The following NMT2 variants were observed in gnomAD, a reference collection of about 807,000 sequenced individuals.
NMT2 encodes glycylpeptide N-tetradecanoyltransferase 2.
Under a neutral mutation model 65.4 loss-of-function variants are expected in NMT2, and 35 were observed. That is an observed-to-expected ratio of 0.54 (90% CI 0.41 to 0.71). The LOEUF (loss-of-function observed/expected upper bound fraction) is 0.71, where lower values mean the gene tolerates loss of function less well. Ranked by LOEUF, NMT2 falls within the 30% of genes least tolerant of loss-of-function variation. The pLI is 0.00. For synonymous variants in NMT2, 226 were observed against 231.8 expected (o/e 0.98, Z 0.23); for missense variants, 489 against 611.3 (o/e 0.80, Z 2.11).
rs1845359832 is a variant in NMT2 at position 15,107,865 on chromosome 10, A to G, written c.*1330T>C. 2 of 985,668 alleles carry G rather than the reference A, an allele frequency of 2.0e-6. No individual in the cohort carries two copies. The highest frequency in any genetic ancestry group is 9.4e-5 in the South Asian group (2 of 21,286). 61.1% of individuals were successfully genotyped at this position (985,668 alleles called of 1,614,324 possible). Reference sequence around the variant, plus strand: ...TATAAACACACATCTGTAAGCCATGAAAGTTTTTCAAATTCTAGATTAAAA... The same window carrying G: ...TATAAACACACATCTGTAAGCCATGGAAGTTTTTCAAATTCTAGATTAAAA... On this transcript the variant is annotated 3_prime_UTR_variant, in exon 12 of 12. Transcript: ENST00000378165.
chr10:15,126,403 T>C (rs1385885976), intron 8 of NMT2, among the ~76,000 whole-genome samples: 1 of 146,538 alleles, frequency 6.8e-6, no homozygotes, highest in East Asian at 2.0e-4. Context: ...CACTCCAGCC[T>C]GGACAACAGA....
chr10:15,154,938 G>A, intron 1 of NMT2: 1 of 1,046,922 alleles, frequency 9.6e-7, no homozygotes, highest in Non-Finnish European at 1.5e-6. Context: ...CAACCACTCG[G>A]TCTTGGCAGT....
chr10:15,151,919 G>C lies in NMT2; in HGVS notation c.111-10362C>G, dbSNP rs556679108. 2.3e-3 allele frequency among the ~76,000 whole-genome samples: 350 copies of C among 152,282 alleles called. 1 individual carries two copies. Among genetic ancestry groups the C allele is most frequent in the Non-Finnish European group, 4.0e-3 (271 of 68,020 alleles). On this transcript the variant is annotated intron_variant, in intron 1 of 11. Transcript: ENST00000378165. ...CACGCGCCTGTAATCCCAGCTACTC[G>C]GGAGGCTGAGGCAGGAGAACTACTT...
At chr10:15,127,546 CAA>C (rs1239422956) in intron 8 of NMT2, among the ~76,000 whole-genome samples, 27 of 51,388 alleles carry the variant, frequency 5.3e-4, no homozygotes, top group African/African-American at 1.0e-3. Flanking sequence ...GACTCCGTCT[CAA>C]AAAAAAAAAA....
At chr10:15,113,463 C>CA (rs1169255963) in intron 9 of NMT2, among the ~76,000 whole-genome samples, 6,280 of 36,840 alleles carry the variant, frequency 0.17, 955 homozygotes, top group Non-Finnish European at 0.2. Context: ...GGATGAGACT[C>CA]AAAAAAAAAA....
intron 10 of NMT2, among the ~76,000 whole-genome samples, chr10:15,112,201 T>C (rs1564557337): frequency 1.2e-4 from 2 of 16,936 alleles, no homozygotes; most frequent in East Asian, 1.5e-3. Context: ...TATATATATA[T>C]ATATATATAT....
In NMT2 at chr10:15,133,358, C is replaced by T; in HGVS notation, c.397G>A (p.Val133Ile). The T allele has an allele frequency of 6.2e-7, 1 of 1,604,296 alleles. No homozygotes were observed. The highest frequency in any genetic ancestry group is 8.5e-7 in the Non-Finnish European group (1 of 1,171,062). The change falls in exon 4 of 12, where the codon GTC becomes ATC. Residue 133 changes from valine to isoleucine, a missense_variant. Transcript: ENST00000378165. Reference sequence around the variant, plus strand: ...TCAATTGCACCATGAGATGTTATGACTTCATCTGAACAGGGAGAGAAAGAG... The same window carrying T: ...TCAATTGCACCATGAGATGTTATGATTTCATCTGAACAGGGAGAGAAAGAG... ...DTQPVPKLDE[V>I]ITSHGAIEPD...
chr10:15,144,073 C>T (rs1846872153), intron 1 of NMT2, among the ~76,000 whole-genome samples: 1 of 152,186 alleles, frequency 6.6e-6, no homozygotes, highest in African/African-American at 2.4e-5. Context: ...ATTGATGCTA[C>T]ACATCAAAAC....
intron 1 of NMT2, among the ~76,000 whole-genome samples, chr10:15,160,914 T>C (rs1451456238): frequency 6.0e-5 from 9 of 150,336 alleles, no homozygotes; most frequent in Non-Finnish European, 1.2e-4. Context: ...TAAGATTACC[T>C]ATAAAAGACA....
At chr10:15,112,121 A>G (rs56165824) in intron 10 of NMT2, among the ~76,000 whole-genome samples, 4,746 of 140,132 alleles carry the variant, frequency 0.034, 150 homozygotes, top group African/African-American at 0.072. Context: ...CTCAACAAAA[A>G]TATTCACTCA....
intron 6 of NMT2, among the ~76,000 whole-genome samples, chr10:15,132,395 C>G (rs1301330851): frequency 6.6e-6 from 1 of 152,076 alleles, no homozygotes; most frequent in Non-Finnish European, 1.5e-5. Flanking sequence ...CCTCCCTGAT[C>G]ACCGGACAGC....
At chr10:15,134,600 A>G (rs1846407214) in intron 3 of NMT2, among the ~76,000 whole-genome samples, 1 of 152,076 alleles carries the variant, frequency 6.6e-6, no homozygotes, top group African/African-American at 2.4e-5. Flanking sequence ...TATGCCTGGC[A>G]TTTAATAACA....
intron 9 of NMT2, among the ~76,000 whole-genome samples, chr10:15,116,705 G>A (rs902664401): frequency 9.9e-5 from 15 of 152,016 alleles, no homozygotes; most frequent in African/African-American, 3.4e-4. Flanking sequence ...GAGAAGACAC[G>A]AATCACCAAT....
intron 1 of NMT2, 25 bp from the exon 2 acceptor site, chr10:15,141,582 A>C (rs746932599): frequency 9.2e-5 from 146 of 1,581,048 alleles, no homozygotes; most frequent in Non-Finnish European, 1.2e-4. Flanking sequence ...AAGATGGTGA[A>C]ACCAACCAAC....
intron 1 of NMT2, 65 bp from the exon 2 acceptor site, chr10:15,141,622 G>T: frequency 1.3e-6 from 2 of 1,509,756 alleles, no homozygotes; most frequent in African/African-American, 1.4e-5. Context: ...AAATTGAATT[G>T]CATACAATTA....
chr10:15,133,036 T>A lies in NMT2; in HGVS notation c.602+17A>T. The stretch of plus-strand genomic sequence containing the variant: ...CAGCAGCGCCTATCCACGACATCTG[T>A]GATCGATGAGACTTACCACAACAGG... On this transcript the variant is annotated intron_variant, in intron 5 of 11. Coordinates refer to ENST00000378165, the MANE Select transcript of NMT2 (RefSeq NM_004808.3). The A allele has an allele frequency of 1.2e-6, 2 of 1,610,816 alleles. No individual in the cohort carries two copies. Among genetic ancestry groups the A allele is most frequent in the Non-Finnish European group, 1.7e-6 (2 of 1,177,050 alleles).
intron 2 of NMT2, chr10:15,138,575 C>T: frequency 2.3e-6 from 1 of 434,552 alleles, no homozygotes; most frequent in East Asian, 7.1e-5. Flanking sequence ...GGCATACTAA[C>T]CAGCAACTAT....
chr10:15,136,590 G>A (rs1451555438), intron 2 of NMT2, among the ~76,000 whole-genome samples: 2 of 151,918 alleles, frequency 1.3e-5, no homozygotes, highest in African/African-American at 2.4e-5. Context: ...CCTTCCTCCC[G>A]GCCACACCCT....
At chr10:15,136,046 G>A (rs76152908) in intron 2 of NMT2, among the ~76,000 whole-genome samples, 4,313 of 152,092 alleles carry the variant, frequency 0.028, 195 homozygotes, top group African/African-American at 0.098. Flanking sequence ...TGGCCAACAC[G>A]GTGAAACCTT....
Sources: gnomAD v4.1 joint callset for allele counts (sites outside exome capture counted in the v4.1 genomes callset) on GRCh38, gnomAD v4.1.1 for gene constraint, MANE v1.5 for transcripts, NCBI Gene and HGNC (gene_info 2026-07-23, HGNC 2026-07-21) for gene names.